Variants in ESRRG observed in about 807,000 individuals in gnomAD.
ESRRG encodes the protein estrogen related receptor gamma.
A neutral mutation model predicts 44.0 loss-of-function variants in ESRRG; 13 were observed. That is an observed-to-expected ratio of 0.30 (90% CI 0.19 to 0.47). The LOEUF (loss-of-function observed/expected upper bound fraction) is 0.47, where lower values mean the gene tolerates loss of function less well. Among genes scored for constraint, ESRRG ranks in the 20% least tolerant of loss-of-function variants. ESRRG has a pLI of 1.00. For synonymous variants in ESRRG, 215 were observed against 214.6 expected, an observed-to-expected ratio of 1.00 and a Z score of -0.02; for missense variants, 395 against 580.6, an observed-to-expected ratio of 0.68 and a Z score of 3.29.
chr1:216,540,022 A>G (rs910798301), intron 5 of ESRRG, among the ~76,000 whole-genome samples: 1 of 152,034 alleles, frequency 6.6e-6, no homozygotes, highest in Admixed American at 6.6e-5. Context: ...GAAATTTAAA[A>G]TAGGCCCTAT....
rs112832593 is a variant in ESRRG, at chr1:216,960,729, G to A, written c.-105-21056C>T. On this transcript the variant is annotated intron_variant, in intron 1 of 7. Coordinates refer to the ESRRG transcript ENST00000359162. ...ATCTCCTGAGTAGCTGGGACTATAGGTGCATGCCACCATGCCTGGCTAATT... is the reference window on the plus strand; with the variant it reads ...ATCTCCTGAGTAGCTGGGACTATAGATGCATGCCACCATGCCTGGCTAATT... Among the ~76,000 whole-genome samples, 1,437 of 152,174 alleles carry A rather than the reference G, an allele frequency of 9.4e-3. 10 individuals carry two copies. Among genetic ancestry groups the A allele is most frequent in the Non-Finnish European group, 0.014 (976 of 68,004 alleles).
intron 5 of ESRRG, among the ~76,000 whole-genome samples, chr1:216,541,708 A>G (rs1271209154): frequency 6.6e-6 from 1 of 151,894 alleles, no homozygotes; most frequent in Non-Finnish European, 1.5e-5. Flanking sequence ...CAAAGCCAGG[A>G]TATAGGGAAT....
At chr1:216,682,613 T>A (rs992832750) in intron 1 of ESRRG, among the ~76,000 whole-genome samples, 2 of 152,014 alleles carry the variant, frequency 1.3e-5, no homozygotes, top group Non-Finnish European at 2.9e-5. Flanking sequence ...CAAAAATGAA[T>A]CTATGGGGAC....
chr1:216,625,769 T>C (rs1268957012), intron 3 of ESRRG, among the ~76,000 whole-genome samples: 1 of 152,220 alleles, frequency 6.6e-6, no homozygotes, highest in South Asian at 2.1e-4. Flanking sequence ...AATGAGCTTC[T>C]ACATACATAT....
chr1:216,555,734 T>G (rs2057414162), intron 5 of ESRRG, among the ~76,000 whole-genome samples: 1 of 152,158 alleles, frequency 6.6e-6, no homozygotes, highest in South Asian at 2.1e-4. Flanking sequence ...AAAGTCAATT[T>G]AGTGCATTTC....
chr1:216,755,702 T>C (rs1191406214), intron 2 of ESRRG, among the ~76,000 whole-genome samples: 3 of 152,006 alleles, frequency 2.0e-5, no homozygotes, highest in African/African-American at 7.2e-5. Flanking sequence ...GAGCAATCAG[T>C]AGATGTTTAT....
At chr1:217,136,931 C>A (rs752576922) in intron 1 of ESRRG, among the ~76,000 whole-genome samples, 17 of 152,238 alleles carry the variant, frequency 1.1e-4, no homozygotes, top group Non-Finnish European at 2.1e-4. Context: ...TTGCAGCTGA[C>A]GCCAGGTACC....
chr1:217,132,826 C>T (rs1197265433), intron 1 of ESRRG, among the ~76,000 whole-genome samples: 1 of 152,118 alleles, frequency 6.6e-6, no homozygotes, highest in Non-Finnish European at 1.5e-5. Context: ...CTCTTTCTGC[C>T]ATTTTCCAGA....
chr1:216,586,534 C>T lies in ESRRG; in HGVS notation c.590-18436G>A, dbSNP rs139749836. Reference sequence around the variant, plus strand: ...AGTGAAATCATAAAGCACTCTGTGTCAACTTCTTCTCATACAAAGAAACTA... The same window carrying T: ...AGTGAAATCATAAAGCACTCTGTGTTAACTTCTTCTCATACAAAGAAACTA... On this transcript the variant is annotated intron_variant, in intron 3 of 6. Transcript: ENST00000408911. 1.3e-3 allele frequency among the ~76,000 whole-genome samples: 195 copies of T among 150,206 alleles called. 1 individual carries two copies. Among genetic ancestry groups the T allele is most frequent in the African/African-American group, 4.5e-3 (186 of 40,914 alleles).
At chr1:216,524,547 T>C (rs1334415143) in intron 5 of ESRRG, among the ~76,000 whole-genome samples, 1 of 152,102 alleles carries the variant, frequency 6.6e-6, no homozygotes, top group Non-Finnish European at 1.5e-5. Context: ...ATTTCAATAA[T>C]TTAGATTCAA....
chr1:216,868,319 C>T (rs1030624055), intron 2 of ESRRG, among the ~76,000 whole-genome samples: 9 of 152,022 alleles, frequency 5.9e-5, no homozygotes, highest in African/African-American at 2.2e-4. Context: ...AACTCCTGAT[C>T]TCAGTTGAGC....
At chr1:216,684,134 C>G (rs908368451) in intron 1 of ESRRG, among the ~76,000 whole-genome samples, 2 of 152,196 alleles carry the variant, frequency 1.3e-5, no homozygotes, top group African/African-American at 4.8e-5. Context: ...GACACAGCAG[C>G]ATCCCATTTT....
At chr1:216,668,723 C>T (rs2074508994) in intron 2 of ESRRG, among the ~76,000 whole-genome samples, 1 of 151,910 alleles carries the variant, frequency 6.6e-6, no homozygotes, top group African/African-American at 2.4e-5. Context: ...CACACACACT[C>T]ACACACACAC....
chr1:217,087,714 C>T (rs979175251), intron 1 of ESRRG, among the ~76,000 whole-genome samples: 1 of 152,080 alleles, frequency 6.6e-6, no homozygotes, highest in Non-Finnish European at 1.5e-5. Context: ...ATACCATTCT[C>T]GATATACACA....
In ESRRG at chr1:216,707,559, T is replaced by G. The variant is rs2082701039; in HGVS notation, c.56+15685A>C. On this transcript the variant is annotated intron_variant, in intron 1 of 6. Transcript: ENST00000408911. ...AAGTTTTATGTAAAACTACAGCTACTTAAGTCCTGAATTTATTTTATGAAG... is the reference window on the plus strand; with the variant it reads ...AAGTTTTATGTAAAACTACAGCTACGTAAGTCCTGAATTTATTTTATGAAG... The G allele has an allele frequency of 4.2e-6, 6 of 1,422,468 alleles. No homozygotes were observed. The East Asian group carries it at 1.5e-4, about 36-fold the overall frequency. The allele number at this position is 1,422,468 out of a possible 1,614,324, so 88.1% of individuals were successfully genotyped here. A position where few individuals can be genotyped will look rare whatever the true frequency, so the allele number is the denominator to read the frequency against.
intron 2 of ESRRG, among the ~76,000 whole-genome samples, chr1:216,801,111 CA>C (rs2094602713): frequency 1.3e-5 from 2 of 152,104 alleles, no homozygotes; most frequent in African/African-American, 4.8e-5. Flanking sequence ...TTATTGATTG[CA>C]AGAGCACCTA....
intron 3 of ESRRG, among the ~76,000 whole-genome samples, chr1:216,640,437 A>G (rs1213127731): frequency 6.6e-6 from 1 of 151,726 alleles, no homozygotes; most frequent in East Asian, 1.9e-4. Context: ...TCCTTTGCAG[A>G]CAGCTTGCCT....
chr1:216,637,209 C>T (rs1391477951), intron 3 of ESRRG, among the ~76,000 whole-genome samples: 1 of 152,146 alleles, frequency 6.6e-6, no homozygotes, highest in Non-Finnish European at 1.5e-5. Context: ...ATAGTCTACA[C>T]GGAAGGGGTG....
intron 2 of ESRRG, among the ~76,000 whole-genome samples, chr1:216,753,701 T>G (rs540700798): frequency 6.6e-6 from 1 of 152,240 alleles, no homozygotes; most frequent in East Asian, 1.9e-4. Context: ...TGTATAGGTA[T>G]AGTCCAAATA....
Sources: gnomAD v4.1 joint callset for allele counts (sites outside exome capture counted in the v4.1 genomes callset) on GRCh38, gnomAD v4.1.1 for gene constraint, MANE v1.5 for transcripts, NCBI Gene and HGNC (gene_info 2026-07-23, HGNC 2026-07-21) for gene names.